MPP7: variants seen among roughly 807,000 people sequenced by gnomAD.
The protein encoded by MPP7 is MAGUK p55 scaffold protein 7, also known as MAGUK p55 subfamily member 7.
MPP7 carries 60 observed loss-of-function variants against 76.5 expected under a neutral mutation model. The ratio of observed to expected loss-of-function variants is 0.78; its 90% CI spans 0.64 to 0.97. The LOEUF is 0.97. Among genes scored for constraint, MPP7 ranks in the 50% least tolerant of loss-of-function variants. The pLI is 0.00. For synonymous variants in MPP7, 237 were observed against 244.5 expected (o/e 0.97, Z 0.29); for missense variants, 641 against 694.0 (o/e 0.92, Z 0.86).
At chr10:28,188,721 A>G (rs1837313143) in intron 3 of MPP7, among the ~76,000 whole-genome samples, 1 of 151,934 alleles carries the variant, frequency 6.6e-6, no homozygotes, top group Admixed American at 6.6e-5. Flanking sequence ...GCTTGAGGGA[A>G]AAAATACTTT....
intron 6 of MPP7, among the ~76,000 whole-genome samples, chr10:28,130,992 T>C (rs995390129): frequency 6.6e-6 from 1 of 152,144 alleles, no homozygotes; most frequent in African/African-American, 2.4e-5. Context: ...TCATTGCCAT[T>C]AGAGGTTCTA....
intron 2 of MPP7, among the ~76,000 whole-genome samples, chr10:28,228,209 T>A (rs552977214): frequency 6.6e-6 from 1 of 152,068 alleles, no homozygotes; most frequent in Non-Finnish European, 1.5e-5. Context: ...AACATGAGAT[T>A]TTTTTTTATA....
chr10:28,087,010 C>T (rs530378185), intron 12 of MPP7, among the ~76,000 whole-genome samples: 119 of 152,234 alleles, frequency 7.8e-4, no homozygotes, highest in African/African-American at 1.3e-3. Flanking sequence ...CCCCAAATTG[C>T]GTGTTGAAAT....
intron 1 of MPP7, chr10:28,330,047 T>A (rs1331107940): frequency 2.0e-5 from 3 of 152,150 alleles, no homozygotes; most frequent in African/African-American, 7.2e-5. Context: ...GGTGAGGTGC[T>A]GTTAATAGCT....
chr10:28,194,297 A>G (rs558081998), intron 3 of MPP7, among the ~76,000 whole-genome samples: 22 of 152,122 alleles, frequency 1.4e-4, no homozygotes, highest in African/African-American at 4.3e-4. Flanking sequence ...TACAGGCATG[A>G]GCCACCACAC....
At chr10:28,166,876 C>G (rs1836482922) in intron 3 of MPP7, among the ~76,000 whole-genome samples, 2 of 152,066 alleles carry the variant, frequency 1.3e-5, no homozygotes, top group African/African-American at 2.4e-5. Context: ...TTTTGGAGAT[C>G]ACTCATTTTG....
At chr10:28,177,042 A>G (rs1836889513) in intron 3 of MPP7, among the ~76,000 whole-genome samples, 1 of 150,814 alleles carries the variant, frequency 6.6e-6, no homozygotes, top group South Asian at 2.1e-4. Flanking sequence ...AAAAAAAAAG[A>G]AAGAAAAGAA....
intron 1 of MPP7, among the ~76,000 whole-genome samples, 65 bp downstream of exon 1, chr10:28,302,796 G>A (rs953982022): frequency 2.6e-5 from 4 of 152,106 alleles, no homozygotes; most frequent in African/African-American, 4.8e-5. Context: ...AGCTTCGGGG[G>A]CCGACCCCAC....
chr10:28,231,617 A>G (rs1251586430), intron 2 of MPP7, among the ~76,000 whole-genome samples: 1 of 152,072 alleles, frequency 6.6e-6, no homozygotes, highest in Non-Finnish European at 1.5e-5. Flanking sequence ...TTCTTTCCCA[A>G]CAAATTTGAA....
In MPP7 at chr10:28,121,140, C is replaced by CA. The variant is rs910463204; in HGVS notation, c.616-473dup. On this transcript the variant is annotated intron_variant, in intron 8 of 16. Coordinates refer to ENST00000683449, the MANE Select transcript of MPP7 (RefSeq NM_001318170.2). ...CAATATAGCAAAACCCCTGTCTCTA[C>CA]AAAAAAAATTTTAAAAATTAGCCAA... 4.6e-5 allele frequency among the ~76,000 whole-genome samples: 7 copies of CA among 151,714 alleles called. No homozygotes were observed. The East Asian group carries it at 5.8e-4, about 13-fold the overall frequency.
chr10:28,262,185 T>TTA (rs766903338), intron 1 of MPP7, among the ~76,000 whole-genome samples: 28 of 60,176 alleles, frequency 4.7e-4, no homozygotes, highest in African/African-American at 1.8e-3. Flanking sequence ...AATAAATAAA[T>TTA]TATATATATA....
chr10:28,292,715 T>C (rs985015877), intron 1 of MPP7, among the ~76,000 whole-genome samples: 1 of 152,212 alleles, frequency 6.6e-6, no homozygotes, highest in African/African-American at 2.4e-5. Flanking sequence ...GAGGGAGTCA[T>C]TCTTCTAGAT....
intron 1 of MPP7, among the ~76,000 whole-genome samples, chr10:28,245,507 A>C (rs1839404931): frequency 6.6e-6 from 1 of 152,166 alleles, no homozygotes; most frequent in Non-Finnish European, 1.5e-5. Flanking sequence ...ACAGATTTTG[A>C]AATCAGACAG....
At chr10:28,174,427 CTCTT>C (rs1261266914) in intron 3 of MPP7, among the ~76,000 whole-genome samples, 1 of 152,178 alleles carries the variant, frequency 6.6e-6, no homozygotes, top group Non-Finnish European at 1.5e-5. Context: ...CCTCTCCTCT[CTCTT>C]TCTTGCTCCT....
intron 1 of MPP7, among the ~76,000 whole-genome samples, chr10:28,275,066 T>C (rs11006977): frequency 0.15 from 22,818 of 152,150 alleles, 1,806 homozygotes; most frequent in South Asian, 0.19. Context: ...AAAGGCATTG[T>C]TGAACCTGAA....
intron 1 of MPP7, among the ~76,000 whole-genome samples, chr10:28,252,894 T>C (rs979978262): frequency 3.9e-5 from 6 of 151,966 alleles, no homozygotes; most frequent in Non-Finnish European, 8.8e-5. Flanking sequence ...AAGGGTCTTT[T>C]CTCATCTGCA....
upstream of MPP7, among the ~76,000 whole-genome samples, chr10:28,307,045 A>G (rs1011109659): frequency 1.3e-5 from 2 of 152,164 alleles, no homozygotes; most frequent in African/African-American, 2.4e-5. Flanking sequence ...GGGGACCAGT[A>G]TGGCTGCCAG....
Position 28,123,987 on chromosome 10 carries a change from C to T in MPP7, c.615+44G>A, listed in dbSNP as rs556129633. The T allele has an allele frequency of 1.4e-5, 18 of 1,297,366 alleles. No individual in the cohort carries two copies. The South Asian group carries it at 1.5e-4, about 11-fold the overall frequency. 80.4% of individuals were successfully genotyped at this position (1,297,366 alleles called of 1,614,324 possible). On this transcript the variant is annotated intron_variant, in intron 8 of 16. Coordinates refer to ENST00000683449, the MANE Select transcript of MPP7 (RefSeq NM_001318170.2). ...TCTAAAAGTCTGAAATACAGTGATT[C>T]GATTTTATTTTTATTGTACCTTTAA...
chr10:28,122,094 G>A (rs1017470364), intron 8 of MPP7, among the ~76,000 whole-genome samples: 7 of 152,116 alleles, frequency 4.6e-5, no homozygotes, highest in South Asian at 4.1e-4. Flanking sequence ...TGTAGAAGGC[G>A]CTCACAAATC....
Sources: gnomAD v4.1 joint callset for allele counts (sites outside exome capture counted in the v4.1 genomes callset) on GRCh38, gnomAD v4.1.1 for gene constraint, MANE v1.5 for transcripts, NCBI Gene and HGNC (gene_info 2026-07-23, HGNC 2026-07-21) for gene names.